Variants in XRCC2 observed in about 807,000 individuals in gnomAD.
The protein encoded by XRCC2 is DNA repair protein XRCC2.
A neutral mutation model predicts 27.3 loss-of-function variants in XRCC2; 24 were observed. The observed-to-expected ratio is 0.88, with a 90% CI of 0.64 to 1.24. XRCC2 has a LOEUF of 1.24. Ranked by LOEUF, XRCC2 falls within the 50% of genes most tolerant of loss-of-function variation. The pLI is 0.00. For synonymous variants in XRCC2, 106 were observed against 115.4 expected, an observed-to-expected ratio of 0.92 and a Z score of 0.52; for missense variants, 321 against 325.8, an observed-to-expected ratio of 0.99 and a Z score of 0.11.
chr7:152,669,188 C>A (rs2098037186), intron 1 of XRCC2, among the ~76,000 whole-genome samples: 1 of 151,980 alleles, frequency 6.6e-6, no homozygotes. Flanking sequence ...CTAGCCTGGG[C>A]AACATAGTGA....
At chr7:152,651,333 C>A (rs1341375872) in intron 2 of XRCC2, among the ~76,000 whole-genome samples, 12 of 151,040 alleles carry the variant, frequency 7.9e-5, no homozygotes, top group Admixed American at 7.9e-4. Context: ...ATGCCTGTAA[C>A]TCCCAGCACT....
At chr7:152,673,336 C>A (rs2098038911) in intron 1 of XRCC2, among the ~76,000 whole-genome samples, 1 of 151,232 alleles carries the variant, frequency 6.6e-6, no homozygotes, top group African/African-American at 2.5e-5. Flanking sequence ...GCGCCCACCA[C>A]CACACCCAGC....
chr7:152,668,765 T>A (rs1282777223), intron 1 of XRCC2, among the ~76,000 whole-genome samples: 2 of 152,248 alleles, frequency 1.3e-5, no homozygotes, highest in Non-Finnish European at 2.9e-5. Context: ...TGTGAGTCAA[T>A]AGATTTGATA....
At chr7:152,661,988 G>A (rs932306254) in intron 1 of XRCC2, among the ~76,000 whole-genome samples, 5 of 151,900 alleles carry the variant, frequency 3.3e-5, no homozygotes, top group South Asian at 4.2e-4. Flanking sequence ...TTTTTGAGGC[G>A]GAGTCTTGCC....
chr7:152,665,869 ATATC>A (rs1280505259), intron 1 of XRCC2, among the ~76,000 whole-genome samples: 1 of 152,134 alleles, frequency 6.6e-6, no homozygotes, highest in Admixed American at 6.6e-5. Context: ...ACCAAGAAGA[ATATC>A]TATAATTCTG....
chr7:152,672,594 T>C (rs1251789772), intron 1 of XRCC2, among the ~76,000 whole-genome samples: 2 of 152,356 alleles, frequency 1.3e-5, no homozygotes, highest in East Asian at 1.9e-4. Context: ...CCAAGGTTTC[T>C]GAACTTCCAG....
At chr7:152,650,561 T>G (rs1413416114) in intron 2 of XRCC2, among the ~76,000 whole-genome samples, 2 of 152,198 alleles carry the variant, frequency 1.3e-5, no homozygotes, top group Non-Finnish European at 2.9e-5. Context: ...TATGTTAAAA[T>G]GCCAATTATT....
chr7:152,662,565 A>ATTTTTTT (rs11323323), intron 1 of XRCC2, among the ~76,000 whole-genome samples: 25 of 67,774 alleles, frequency 3.7e-4, no homozygotes, highest in African/African-American at 5.4e-4. Context: ...TTTTATTTGC[A>ATTTTTTT]TTTTTTTTTT....
In XRCC2 at chr7:152,669,118, C is replaced by T. The variant is rs575716096; in HGVS notation, c.39+6923G>A. ...ATCAGGCCAGGTGCAGTGGTTCACA[C>T]CTGTCATCCAAGCACTTTGAGAGGC... is the stretch of plus-strand genomic sequence containing the variant. On this transcript the variant is annotated intron_variant, in intron 1 of 2. Coordinates refer to ENST00000359321, the MANE Select transcript of XRCC2 (RefSeq NM_005431.2). Among the ~76,000 whole-genome samples the T allele has an allele frequency of 4.6e-5, 7 of 152,226 alleles. No individual in the cohort carries two copies. In the East Asian group the frequency reaches 1.4e-3, roughly 29 times the overall value.
intron 2 of XRCC2, among the ~76,000 whole-genome samples, chr7:152,653,634 AT>A (rs11303316): frequency 0.94 from 143,254 of 151,654 alleles, 67,717 homozygotes; most frequent in Admixed American, 0.95. Context: ...TAATTTTTGT[AT>A]TTTTTTTGTA....
In XRCC2 at chr7:152,674,646, T is replaced by C. The variant is rs1371755373; in HGVS notation, c.39+1395A>G. ...TATATTTATATATAAAAAATATGTT[T>C]ATATGTATTATATACTTTCTATATA... On this transcript the variant is annotated intron_variant, in intron 1 of 2. Transcript: ENST00000359321. Among the ~76,000 whole-genome samples the C allele has an allele frequency of 4.4e-5, 5 of 113,930 alleles. No homozygotes were observed. In the Admixed American group the frequency reaches 5.5e-4, roughly 13 times the overall value. The allele number at this position is 113,930 out of a possible 152,430, so 74.7% of individuals were successfully genotyped here. A position where few individuals can be genotyped will look rare whatever the true frequency, so the allele number is the denominator to read the frequency against.
At position 152,646,838 on chromosome 7, in the gene XRCC2, A is replaced by T. The variant is rs545008284; in HGVS notation, c.*1804T>A. On this transcript the variant is annotated 3_prime_UTR_variant, in exon 3 of 3. Transcript: ENST00000359321. ...GGTGTGTATGTACCACATTTTTTTA[A>T]TCCAGTCTGTCACTGATGGGCAGTG... 6.6e-6 allele frequency: 1 copy of T among 152,100 alleles called. No homozygotes were observed. The highest frequency in any genetic ancestry group is 1.5e-5 in the Non-Finnish European group (1 of 68,044). The allele number at this position is 152,100 out of a possible 1,614,324, so 9.4% of individuals were successfully genotyped here.
Position 152,646,098 on chromosome 7 carries a change from A to C in XRCC2, c.*2544T>G, listed in dbSNP as rs532770672. 3 of 152,006 alleles carry C rather than the reference A, an allele frequency of 2.0e-5. No homozygotes were observed. Among genetic ancestry groups the C allele is most frequent in the African/African-American group, 7.2e-5 (3 of 41,470 alleles). 9.4% of individuals were successfully genotyped at this position (152,006 alleles called of 1,614,324 possible). A position where few individuals can be genotyped will look rare whatever the true frequency, so the allele number is the denominator to read the frequency against. On this transcript the variant is annotated 3_prime_UTR_variant, in exon 3 of 3. Transcript: ENST00000359321. ...TTTTAAATTTAAAAATCAGCCCACC[A>C]TTTTCCTGTTTCATTTTAAAGTTAT... is the stretch of plus-strand genomic sequence containing the variant.
chr7:152,663,959 G>A (rs1299291032), intron 1 of XRCC2: 2 of 152,238 alleles, frequency 1.3e-5, no homozygotes, highest in East Asian at 1.9e-4. Flanking sequence ...AGTGCTGGAA[G>A]CTAAGGTCAG....
intron 1 of XRCC2, among the ~76,000 whole-genome samples, chr7:152,668,760 G>A (rs914902842): frequency 3.3e-5 from 5 of 152,170 alleles, no homozygotes; most frequent in African/African-American, 1.2e-4. Context: ...AATATTGTGA[G>A]TCAATAGATT....
At position 152,647,323 on chromosome 7, in the gene XRCC2, G is replaced by A. The variant is rs1172604313; in HGVS notation, c.*1319C>T. On this transcript the variant is annotated 3_prime_UTR_variant, in exon 3 of 3. Transcript: ENST00000359321. ...CAGACCTTTCTCAGATGCATAGTTT[G>A]CAACAATTTTCTCCCATTCTGTAAG... The A allele has an allele frequency of 6.7e-6, 1 of 150,148 alleles. No individual in the cohort carries two copies. The highest frequency in any genetic ancestry group is 1.5e-5 in the Non-Finnish European group (1 of 67,998). The allele number at this position is 150,148 out of a possible 1,614,324, so 9.3% of individuals were successfully genotyped here. A position where few individuals can be genotyped will look rare whatever the true frequency, so the allele number is the denominator to read the frequency against.
In XRCC2 at chr7:152,674,721, T is replaced by A. The variant is rs951829011; in HGVS notation, c.39+1320A>T. ...AATATATATTTATATAATATATTTT[T>A]AAATATATATTATATATAAATATAT... On this transcript the variant is annotated intron_variant, in intron 1 of 2. Transcript: ENST00000359321. Among the ~76,000 whole-genome samples, 17 of 43,200 alleles carry A rather than the reference T, an allele frequency of 3.9e-4. 4 individuals carry two copies. Among genetic ancestry groups the A allele is most frequent in the African/African-American group, 3.3e-3 (16 of 4,816 alleles). The allele number at this position is 43,200 out of a possible 152,430, so 28.3% of individuals were successfully genotyped here.
intron 2 of XRCC2, among the ~76,000 whole-genome samples, chr7:152,656,776 C>T (rs2098030865): frequency 1.3e-5 from 2 of 152,236 alleles, no homozygotes; most frequent in South Asian, 2.1e-4. Context: ...TTTTGTCTTA[C>T]ATATTTGATC....
intron 1 of XRCC2, among the ~76,000 whole-genome samples, chr7:152,667,963 G>A (rs1243046908): frequency 1.3e-5 from 2 of 150,194 alleles, no homozygotes; most frequent in African/African-American, 4.9e-5. Flanking sequence ...AGAAGGTGGA[G>A]GTTGCAGTGA....
Sources: allele counts gnomAD v4.1 joint callset (sites outside exome capture counted in the v4.1 genomes callset), GRCh38; gene constraint gnomAD v4.1.1; transcripts MANE v1.5; gene names NCBI Gene and HGNC (gene_info 2026-07-23, HGNC 2026-07-21).